TENM3: variants seen among roughly 807,000 people sequenced by gnomAD.
TENM3 encodes the protein teneurin-3.
In TENM3, 63 loss-of-function variants were observed where a neutral mutation model predicts 255.1. The observed-to-expected ratio is 0.25, with a 90% confidence interval of 0.20 to 0.30. The LOEUF (loss-of-function observed/expected upper bound fraction) is 0.30. Among genes scored for constraint, TENM3 ranks in the 10% least tolerant of loss-of-function variants. The pLI, the probability that TENM3 is intolerant of heterozygous loss-of-function variation, is 1.00. For missense variants in TENM3, 2,929 were observed against 3,461.1 expected (o/e 0.85, Z 3.86); for synonymous variants, 1,306 against 1,322.3 (o/e 0.99, Z 0.27).
intron 1 of TENM3, among the ~76,000 whole-genome samples, chr4:182,274,502 G>T (rs967761655): frequency 1.3e-5 from 2 of 152,180 alleles, no homozygotes; most frequent in Non-Finnish European, 2.9e-5. Context: ...GTGAGGACGT[G>T]TTTGGATATT....
chr4:182,659,576 C>T (rs1303085374), intron 6 of TENM3, among the ~76,000 whole-genome samples: 1 of 152,138 alleles, frequency 6.6e-6, no homozygotes, highest in Admixed American at 6.6e-5. Flanking sequence ...ATCACTGGTC[C>T]AGGAGGCCCG....
chr4:182,065,485 A>G, the TENM3 span, among the ~76,000 whole-genome samples: 1 of 152,232 alleles, frequency 6.6e-6, no homozygotes, highest in African/African-American at 2.4e-5. Context: ...AGCAGGAGGA[A>G]GAGAGCAAAG....
At chr4:181,589,014 A>G in the TENM3 span, among the ~76,000 whole-genome samples, 1 of 152,176 alleles carries the variant, frequency 6.6e-6, no homozygotes, top group Admixed American at 6.5e-5. Context: ...TTTAGACATC[A>G]TATATTAGAC....
intron 22 of TENM3, among the ~76,000 whole-genome samples, chr4:182,769,026 A>G (rs1763955209): frequency 6.6e-6 from 1 of 152,230 alleles, no homozygotes; most frequent in South Asian, 2.1e-4. Flanking sequence ...AAGCTAATAA[A>G]GGAAAACTAC....
At position 182,565,818 on chromosome 4, in the gene TENM3, A is replaced by G. The variant is rs79913278; in HGVS notation, c.512-35106A>G. Among the ~76,000 whole-genome samples, 1,017 of 152,320 alleles carry G rather than the reference A, an allele frequency of 6.7e-3. 37 individuals are homozygous for G. The East Asian group carries it at 0.081, about 12-fold the overall frequency. ...GAACAGTGAGATTTCCACATCTGTT[A>G]AATAATCATTAGCATGTAGGATTGA... On this transcript the variant is annotated intron_variant, in intron 3 of 27. Transcript: ENST00000511685.
At chr4:182,435,243 C>T (rs917291649) in intron 3 of TENM3, among the ~76,000 whole-genome samples, 1 of 152,150 alleles carries the variant, frequency 6.6e-6, no homozygotes, top group African/African-American at 2.4e-5. Flanking sequence ...CAGACCACTA[C>T]AGAGAGCTAT....
At position 182,230,725 on chromosome 4, in the gene TENM3, G is replaced by A. The variant is rs148533723; in HGVS notation, c.-76+85971G>A. On this transcript the variant is annotated intron_variant, in intron 1 of 2. Coordinates refer to the TENM3 transcript ENST00000512480. ...CCCCATCAGATGGGGAAATATTTCT[G>A]AGCTTTATTTTCTGGAGTTTGTATT... is the stretch of plus-strand genomic sequence containing the variant. Among the ~76,000 whole-genome samples the A allele has an allele frequency of 3.4e-3, 506 of 149,264 alleles. 2 individuals carry two copies. The highest frequency in any genetic ancestry group is 0.014 in the Middle Eastern group (4 of 288).
At chr4:182,276,174 A>C (rs1437074378) in intron 1 of TENM3, among the ~76,000 whole-genome samples, 3 of 152,174 alleles carry the variant, frequency 2.0e-5, no homozygotes, top group Non-Finnish European at 2.9e-5. Context: ...CTTTGGTGTG[A>C]TCCTGGAACA....
upstream of TENM3, chr4:182,143,617 T>G (rs1388077960): frequency 1.2e-5 from 2 of 166,572 alleles, no homozygotes; most frequent in Non-Finnish European, 2.9e-5. This position sits in a 1 kb window ranked among gnomAD's most constrained non-coding sequence, Gnocchi z 4.3. Flanking sequence ...TGTTTCCACT[T>G]AAGTCCAAAG....
chr4:182,624,424 T>C (rs1750628206), intron 4 of TENM3, among the ~76,000 whole-genome samples: 1 of 152,176 alleles, frequency 6.6e-6, no homozygotes, highest in African/African-American at 2.4e-5. Flanking sequence ...CTCTCTCTGC[T>C]ACTTCTGTCC....
rs554262278 is a variant in TENM3, at chr4:182,620,731, T to C, written c.750-7920T>C. 6.6e-5 allele frequency among the ~76,000 whole-genome samples: 10 copies of C among 152,320 alleles called. No homozygotes were observed. In the South Asian group the frequency reaches 2.1e-3, roughly 32 times the overall value. ...AAGACTGGTGATTTTATTTTTTGAT[T>C]GATTGACTGATTTTTGAGACAGGGT... On this transcript the variant is annotated intron_variant, in intron 4 of 27. Coordinates refer to ENST00000511685, the MANE Select transcript of TENM3 (RefSeq NM_001080477.4).
At chr4:182,611,644 A>G (rs931526205) in intron 4 of TENM3, among the ~76,000 whole-genome samples, 1 of 152,210 alleles carries the variant, frequency 6.6e-6, no homozygotes, top group African/African-American at 2.4e-5. Context: ...AAATTGCTAT[A>G]GATGACATAC....
At chr4:181,640,327 T>C in the TENM3 span, among the ~76,000 whole-genome samples, 1 of 152,212 alleles carries the variant, frequency 6.6e-6, no homozygotes, top group African/African-American at 2.4e-5. Flanking sequence ...TGGCACATCC[T>C]AACAAAAGAA....
chr4:182,725,468 C>T (rs2152701706), intron 13 of TENM3, among the ~76,000 whole-genome samples: 1 of 152,074 alleles, frequency 6.6e-6, no homozygotes, highest in African/African-American at 2.4e-5. Flanking sequence ...TATATATCCT[C>T]ATGAAAAATA....
At chr4:182,585,141 C>T (rs1305589588) in intron 3 of TENM3, among the ~76,000 whole-genome samples, 2 of 152,174 alleles carry the variant, frequency 1.3e-5, no homozygotes, top group Non-Finnish European at 2.9e-5. Context: ...TAACACTTCA[C>T]AGTTTATAAA....
the TENM3 span, among the ~76,000 whole-genome samples, chr4:181,601,873 C>T: frequency 1.3e-5 from 2 of 152,134 alleles, no homozygotes; most frequent in Non-Finnish European, 2.9e-5. Context: ...CAGTCCATAA[C>T]ACACAGCATG....
chr4:182,549,821 G>A (rs1396957255), intron 3 of TENM3, among the ~76,000 whole-genome samples: 1 of 152,158 alleles, frequency 6.6e-6, no homozygotes, highest in African/African-American at 2.4e-5. Context: ...ATAGAATAAG[G>A]GTTGTGGAAG....
At chr4:181,888,573 TATATAC>T in the TENM3 span, among the ~76,000 whole-genome samples, 1 of 66,740 alleles carries the variant, frequency 1.5e-5, no homozygotes, top group Non-Finnish European at 2.8e-5. Flanking sequence ...TATATGTATA[TATATAC>T]ATATATATAT....
At chr4:181,627,346 T>G in the TENM3 span, among the ~76,000 whole-genome samples, 1 of 152,196 alleles carries the variant, frequency 6.6e-6, no homozygotes, top group African/African-American at 2.4e-5. Context: ...TTCTTTTTAT[T>G]TTTATTATAC....
Sources: allele counts gnomAD v4.1 joint callset (sites outside exome capture counted in the v4.1 genomes callset), GRCh38; gene constraint gnomAD v4.1.1; non-coding constraint Gnocchi (gnomAD v3.1); transcripts MANE v1.5; gene names NCBI Gene and HGNC (gene_info 2026-07-23, HGNC 2026-07-21).